RASAL1: variants seen among roughly 807,000 people sequenced by gnomAD.
The protein encoded by RASAL1 is RAS protein activator like 1.
A neutral mutation model predicts 96.6 loss-of-function variants in RASAL1; 72 were observed. That is an observed-to-expected ratio of 0.75 (90% CI 0.62 to 0.91). RASAL1 has a LOEUF of 0.91. RASAL1 is among the 40% of genes least tolerant of loss of function. The pLI is 0.00. For synonymous variants in RASAL1, 405 were observed against 430.4 expected, an observed-to-expected ratio of 0.94 and a Z score of 0.73; for missense variants, 1,016 against 1,072.5, an observed-to-expected ratio of 0.95 and a Z score of 0.74.
In RASAL1 at chr12:113,115,128, G is replaced by A. The variant is rs1232143264; in HGVS notation, c.1068+72C>T. On this transcript the variant is annotated intron_variant, in intron 11 of 20. Transcript: ENST00000548055. The surrounding 1 kb of genome is among the most constrained non-coding windows in gnomAD (Gnocchi z 4.1). ...GCTGTCTGAAGCCAGCTAAGTGAGG[G>A]AGCCAGGTAGGCACTGGGAAGGAGG... 8 of 1,459,248 alleles carry A rather than the reference G, an allele frequency of 5.5e-6. No individual in the cohort carries two copies. The highest frequency in any genetic ancestry group is 7.7e-6 in the Non-Finnish European group (8 of 1,041,084). 90.4% of individuals were successfully genotyped at this position (1,459,248 alleles called of 1,614,324 possible).
intron 18 of RASAL1, among the ~76,000 whole-genome samples, chr12:113,103,548 G>C (rs933289900): frequency 3.9e-5 from 6 of 151,944 alleles, no homozygotes; most frequent in African/African-American, 1.5e-4. Flanking sequence ...AGAGGTTGCA[G>C]TGAGCCGAGG....
chr12:113,126,180 G>A (rs1243502961), intron 4 of RASAL1, among the ~76,000 whole-genome samples: 2 of 152,110 alleles, frequency 1.3e-5, no homozygotes, highest in African/African-American at 2.4e-5. Context: ...AGTTACTCAG[G>A]AGGCCAAGGC....
chr12:113,110,664 A>G (rs1950833565), intron 13 of RASAL1, among the ~76,000 whole-genome samples: 1 of 152,224 alleles, frequency 6.6e-6, no homozygotes, highest in Non-Finnish European at 1.5e-5. Context: ...TCACGCCTGT[A>G]GTCCCAGCAC....
Position 113,115,355 on chromosome 12 carries a change from G to A in RASAL1, c.1004-91C>T, listed in dbSNP as rs1951035586. On this transcript the variant is annotated intron_variant, in intron 10 of 20. Transcript: ENST00000548055. This position sits in a 1 kb window ranked among gnomAD's most constrained non-coding sequence, Gnocchi z 4.1. ...CAAGGTGGGAGTCATGATTCTTCCA[G>A]CCCCAAGAATCAGGAAGACCCAAAA... 1.5e-6 allele frequency: 2 copies of A among 1,298,894 alleles called. No homozygotes were observed. The highest frequency in any genetic ancestry group is 2.9e-5 in the African/African-American group (2 of 68,458). 80.5% of individuals were successfully genotyped at this position (1,298,894 alleles called of 1,614,324 possible).
intron 14 of RASAL1, 27 bp downstream of exon 14, chr12:113,108,058 A>G (rs1331456466): frequency 1.3e-6 from 2 of 1,597,940 alleles, no homozygotes; most frequent in Non-Finnish European, 1.7e-6. Flanking sequence ...TAAAGTACCT[A>G]GGATGGGGGA....
chr12:113,116,932 T>C (rs560086077), intron 8 of RASAL1, 141 bp downstream of exon 8: 1 of 627,588 alleles, frequency 1.6e-6, no homozygotes, highest in African/African-American at 1.9e-5. Flanking sequence ...TTGAGAGACA[T>C]TCCATAGACA....
intron 16 of RASAL1, 107 bp from the exon 17 acceptor site, chr12:113,104,405 G>T: frequency 8.7e-7 from 1 of 1,144,816 alleles, no homozygotes; most frequent in Non-Finnish European, 1.2e-6. Flanking sequence ...CCAGCGGCGG[G>T]ACATTCAACC....
chr12:113,114,672 A>G (rs1390559649), intron 12 of RASAL1, 128 bp downstream of exon 12: 2 of 745,428 alleles, frequency 2.7e-6, no homozygotes, highest in Non-Finnish European at 4.7e-6. Context: ...CTTTCAGCTC[A>G]GCCACCGAGC....
Position 113,117,175 on chromosome 12 carries a change from C to A in RASAL1, c.643-14G>T. On this transcript the variant is annotated splice_polypyrimidine_tract_variant and intron_variant, in intron 7 of 20. Transcript: ENST00000548055. ...AGAGAACTCCACCTTTTGAGAGAGA[C>A]ACACAGACCCTCAGCCGGGCCCTGG... is the stretch of plus-strand genomic sequence containing the variant. 4.5e-6 allele frequency: 7 copies of A among 1,560,204 alleles called. No individual in the cohort carries two copies. The highest frequency in any genetic ancestry group is 6.2e-6 in the Non-Finnish European group (7 of 1,136,388).
Position 113,112,291 on chromosome 12 carries a change from G to T in RASAL1, c.1182-13C>A, listed in dbSNP as rs1950896446. On this transcript the variant is annotated splice_polypyrimidine_tract_variant and intron_variant, in intron 12 of 20. Transcript: ENST00000548055. ...GAAGGAGATCCTCCTGGAGGGGCCGGCGGAGCAGCTCAGCCTCGGGGCACA... is the reference window on the plus strand; with the variant it reads ...GAAGGAGATCCTCCTGGAGGGGCCGTCGGAGCAGCTCAGCCTCGGGGCACA... 1 of 1,253,894 alleles carries T rather than the reference G, an allele frequency of 8.0e-7. No homozygotes were observed. The highest frequency in any genetic ancestry group is 1.5e-5 in the African/African-American group (1 of 64,836). The allele number at this position is 1,253,894 out of a possible 1,614,324, so 77.7% of individuals were successfully genotyped here.
intron 16 of RASAL1, 150 bp downstream of exon 16, chr12:113,105,564 G>C: frequency 1.2e-6 from 1 of 834,598 alleles, no homozygotes. Context: ...TGTGAGCAGA[G>C]CCTGTCCTGA....
chr12:113,100,790 C>G, intron 19 of RASAL1, 110 bp from the exon 20 acceptor site: 1 of 823,762 alleles, frequency 1.2e-6, no homozygotes, highest in Non-Finnish European at 2.0e-6. Flanking sequence ...CCATCACCAT[C>G]TACCATCATC....
At chr12:113,117,481 G>C (rs981393659) in intron 7 of RASAL1, among the ~76,000 whole-genome samples, 4 of 152,178 alleles carry the variant, frequency 2.6e-5, no homozygotes, top group Non-Finnish European at 5.9e-5. Context: ...GCTCTGTTTA[G>C]GGACATAAAT....
In RASAL1 at chr12:113,102,681, C is replaced by T. The variant is rs1361313805; in HGVS notation, c.2105-672G>A. 2.0e-5 allele frequency among the ~76,000 whole-genome samples: 3 copies of T among 151,958 alleles called. No individual in the cohort carries two copies. The East Asian group carries it at 5.8e-4, about 30-fold the overall frequency. On this transcript the variant is annotated intron_variant, in intron 18 of 20. Coordinates refer to ENST00000548055, the MANE Select transcript of RASAL1 (RefSeq NM_001301202.2). ...AGGCTGCAGGGAGCCATGATTGCAC[C>T]ACTGCACTCCAGCCTGGGCAACAGA... is the stretch of plus-strand genomic sequence containing the variant.
chr12:113,118,776 T>C (rs1384425531), intron 7 of RASAL1, among the ~76,000 whole-genome samples: 1 of 152,144 alleles, frequency 6.6e-6, no homozygotes, highest in African/African-American at 2.4e-5. Flanking sequence ...AAAATGCGGA[T>C]AGCAACAGTC....
At chr12:113,133,954 C>A (rs537274379) in intron 1 of RASAL1, among the ~76,000 whole-genome samples, 1 of 152,276 alleles carries the variant, frequency 6.6e-6, no homozygotes, top group East Asian at 1.9e-4. Context: ...GGGGTGACAC[C>A]CATCGCCCCC....
chr12:113,103,282 T>G (rs190860705), intron 18 of RASAL1, among the ~76,000 whole-genome samples: 2 of 150,888 alleles, frequency 1.3e-5, no homozygotes, highest in South Asian at 2.1e-4. Context: ...ATACATTGTA[T>G]ATACATTGTT....
In RASAL1 at chr12:113,117,176, A is replaced by T. The variant is rs772287244; in HGVS notation, c.643-15T>A. On this transcript the variant is annotated splice_polypyrimidine_tract_variant and intron_variant, in intron 7 of 20. Transcript: ENST00000548055. ...GAGAACTCCACCTTTTGAGAGAGAC[A>T]CACAGACCCTCAGCCGGGCCCTGGC... is the stretch of plus-strand genomic sequence containing the variant. The T allele has an allele frequency of 1.3e-6, 2 of 1,560,944 alleles. No homozygotes were observed. The highest frequency in any genetic ancestry group is 2.3e-5 in the South Asian group (2 of 88,290).
intron 19 of RASAL1, 98 bp downstream of exon 19, chr12:113,101,791 C>T (rs1566031296): frequency 1.4e-6 from 2 of 1,455,282 alleles, no homozygotes; most frequent in Non-Finnish European, 9.2e-7. Flanking sequence ...TCCACCAACA[C>T]ACATGGGAAG....
Sources: gnomAD v4.1 joint callset for allele counts (sites outside exome capture counted in the v4.1 genomes callset) on GRCh38, gnomAD v4.1.1 for gene constraint, Gnocchi (gnomAD v3.1) non-coding constraint, MANE v1.5 for transcripts, NCBI Gene and HGNC (gene_info 2026-07-23, HGNC 2026-07-21) for gene names.